The following PIK3C2A variants were observed in gnomAD, a reference collection of about 807,000 sequenced individuals.
PIK3C2A encodes phosphatidylinositol 4-phosphate 3-kinase C2 domain-containing subunit alpha.
Under a neutral mutation model 204.5 loss-of-function variants are expected in PIK3C2A, and 97 were observed. The observed-to-expected ratio is 0.47, with a 90% CI of 0.40 to 0.56. The LOEUF (loss-of-function observed/expected upper bound fraction) is 0.56. Ranked by LOEUF, PIK3C2A falls within the 20% of genes least tolerant of loss-of-function variation. The pLI is 0.00. For synonymous variants in PIK3C2A, 653 were observed against 664.4 expected, an observed-to-expected ratio of 0.98 and a Z score of 0.26; for missense variants, 1,735 against 1,969.2, an observed-to-expected ratio of 0.88 and a Z score of 2.25.
intron 1 of PIK3C2A, among the ~76,000 whole-genome samples, chr11:17,191,970 TA>T (rs1194219889): frequency 0.029 from 3,470 of 117,710 alleles, 45 homozygotes; most frequent in South Asian, 0.042. Context: ...CTGCTTCTAC[TA>T]AAAAAAAAAA....
rs184085229 is a variant in PIK3C2A at position 17,095,301 on chromosome 11, C to T, written c.4327-916G>A. On this transcript the variant is annotated intron_variant, in intron 27 of 32. Coordinates refer to ENST00000691414, the MANE Select transcript of PIK3C2A (RefSeq NM_002645.4). ...AATAAAAATAGTCCAGGCAGCCGGGCGCAGTGGTTCACGCCTGTAATCCCA... is the reference window on the plus strand; with the variant it reads ...AATAAAAATAGTCCAGGCAGCCGGGTGCAGTGGTTCACGCCTGTAATCCCA... Among the ~76,000 whole-genome samples the T allele has an allele frequency of 3.2e-3, 487 of 150,584 alleles. 2 individuals are homozygous for T. The highest frequency in any genetic ancestry group is 4.6e-3 in the Non-Finnish European group (314 of 67,740).
intron 13 of PIK3C2A, among the ~76,000 whole-genome samples, chr11:17,125,566 T>A (rs909255751): frequency 3.9e-5 from 6 of 151,968 alleles, no homozygotes; most frequent in Non-Finnish European, 8.8e-5. Flanking sequence ...CAGGCTGGAG[T>A]GTAGTGGTGC....
At chr11:17,151,744 C>T (rs1438424244) in intron 3 of PIK3C2A, among the ~76,000 whole-genome samples, 1 of 152,030 alleles carries the variant, frequency 6.6e-6, no homozygotes. Context: ...TAGAACAGTG[C>T]CTAGTACACA....
At chr11:17,126,285 A>ATGGTGGTG (rs1227931792) in intron 13 of PIK3C2A, among the ~76,000 whole-genome samples, 1 of 152,088 alleles carries the variant, frequency 6.6e-6, no homozygotes, top group Non-Finnish European at 1.5e-5. Flanking sequence ...ATGGTAGCTC[A>ATGGTGGTG]CGCCTATAAT....
At chr11:17,173,250 T>C (rs1851235186) in intron 1 of PIK3C2A, among the ~76,000 whole-genome samples, 1 of 152,154 alleles carries the variant, frequency 6.6e-6, no homozygotes, top group African/African-American at 2.4e-5. Flanking sequence ...TTATCCCACA[T>C]AGTTAATTAA....
intron 1 of PIK3C2A, among the ~76,000 whole-genome samples, chr11:17,196,588 G>A (rs1256943701): frequency 1.3e-5 from 2 of 151,296 alleles, no homozygotes; most frequent in Admixed American, 1.3e-4. Context: ...ATTTTTTTTT[G>A]AGACGGAGTC....
Position 17,142,774 on chromosome 11 carries a change from G to A in PIK3C2A, c.1704+2894C>T, listed in dbSNP as rs181503835. Among the ~76,000 whole-genome samples, 43 of 152,216 alleles carry A rather than the reference G, an allele frequency of 2.8e-4. No homozygotes were observed. The East Asian group carries it at 7.7e-3, about 27-fold the overall frequency. On this transcript the variant is annotated intron_variant, in intron 8 of 32. Coordinates refer to ENST00000691414, the MANE Select transcript of PIK3C2A (RefSeq NM_002645.4). Reference sequence around the variant, plus strand: ...GATTAGGAACTGACTACTGAATTCAGGATCATGGAAGTCCTTGATGACCTT... The same window carrying A: ...GATTAGGAACTGACTACTGAATTCAAGATCATGGAAGTCCTTGATGACCTT...
At position 17,089,656 on chromosome 11, in the gene PIK3C2A, T is replaced by C; in HGVS notation, c.*82A>G. 1 of 769,426 alleles carries C rather than the reference T, an allele frequency of 1.3e-6. No homozygotes were observed. The highest frequency in any genetic ancestry group is 2.6e-5 in the East Asian group (1 of 38,280). The allele number at this position is 769,426 out of a possible 1,614,324, so 47.7% of individuals were successfully genotyped here. ...ATACTATACAAAATTAACAAGTGTG[T>C]GTGTGTGTGTCTGTGTGTGTGTGCA... On this transcript the variant is annotated 3_prime_UTR_variant, in exon 33 of 33. Transcript: ENST00000691414.
intron 1 of PIK3C2A, among the ~76,000 whole-genome samples, chr11:17,201,448 G>A (rs181529057): frequency 7.7e-4 from 110 of 143,022 alleles, no homozygotes; most frequent in African/African-American, 2.7e-3. Context: ...AATCACTTGA[G>A]CCTGGGAGGC....
chr11:17,153,450 A>G (rs931724046), intron 3 of PIK3C2A, among the ~76,000 whole-genome samples: 1 of 152,076 alleles, frequency 6.6e-6, no homozygotes, highest in Non-Finnish European at 1.5e-5. Context: ...AAAAAAAAAA[A>G]AGAACCTTTT....
chr11:17,188,110 G>A (rs1451045482), intron 1 of PIK3C2A, among the ~76,000 whole-genome samples: 1 of 152,056 alleles, frequency 6.6e-6, no homozygotes, highest in Non-Finnish European at 1.5e-5. Flanking sequence ...GGCCGAGGTG[G>A]GTGGATCACT....
At position 17,136,721 on chromosome 11, in the gene PIK3C2A, A is replaced by G. The variant is rs538808332; in HGVS notation, c.1705-96T>C. The G allele has an allele frequency of 1.8e-5, 11 of 626,134 alleles. No individual in the cohort carries two copies. In the South Asian group the frequency reaches 2.1e-4, roughly 12 times the overall value. 38.8% of individuals were successfully genotyped at this position (626,134 alleles called of 1,614,324 possible). A position where few individuals can be genotyped will look rare whatever the true frequency, so the allele number is the denominator to read the frequency against. On this transcript the variant is annotated intron_variant, in intron 8 of 32. Coordinates refer to ENST00000691414, the MANE Select transcript of PIK3C2A (RefSeq NM_002645.4). The stretch of plus-strand genomic sequence containing the variant: ...GAAACTAGATATCTTAGATATCCCT[A>G]ACAGATATCCTCTACTCTTTTGTGA...
At chr11:17,127,939 C>G (rs1159701472) in intron 13 of PIK3C2A, among the ~76,000 whole-genome samples, 1 of 152,126 alleles carries the variant, frequency 6.6e-6, no homozygotes, top group Non-Finnish European at 1.5e-5. Context: ...AATGTAGACC[C>G]TGTAGCCAAA....
chr11:17,201,218 A>T (rs1369114153), intron 1 of PIK3C2A, among the ~76,000 whole-genome samples: 4 of 150,502 alleles, frequency 2.7e-5, no homozygotes, highest in African/African-American at 9.8e-5. Flanking sequence ...AAATAAAAAT[A>T]AAAAATAAGC....
At position 17,089,468 on chromosome 11, in the gene PIK3C2A, T is replaced by G; in HGVS notation, c.*270A>C. The G allele has an allele frequency of 3.2e-6, 1 of 314,304 alleles. No individual in the cohort carries two copies. The highest frequency in any genetic ancestry group is 5.9e-6 in the Non-Finnish European group (1 of 169,846). 19.5% of individuals were successfully genotyped at this position (314,304 alleles called of 1,614,324 possible). On this transcript the variant is annotated 3_prime_UTR_variant, in exon 33 of 33. Transcript: ENST00000691414. ...CTGTCTCAAAGTCTTTTTCAGGAAT[T>G]AGTATATATTAAGTTTAGGGTTTGT... is the stretch of plus-strand genomic sequence containing the variant.
chr11:17,100,680 C>A (rs1313659731), intron 25 of PIK3C2A, among the ~76,000 whole-genome samples: 1 of 152,170 alleles, frequency 6.6e-6, no homozygotes, highest in Non-Finnish European at 1.5e-5. Context: ...CACCATCCCC[C>A]TTCCTACCCT....
chr11:17,167,300 T>G (rs1850996284), intron 2 of PIK3C2A, among the ~76,000 whole-genome samples: 1 of 152,136 alleles, frequency 6.6e-6, no homozygotes, highest in South Asian at 2.1e-4. Context: ...TTTCTCTTCC[T>G]TCCAGACATC....
chr11:17,122,213 T>C lies in PIK3C2A; in HGVS notation c.2632A>G (p.Ile878Val). 6.3e-7 allele frequency: 1 copy of C among 1,582,220 alleles called. No homozygotes were observed. The highest frequency in any genetic ancestry group is 1.7e-5 in the Admixed American group (1 of 59,800). The change falls in exon 15 of 33, where the codon ATT (isoleucine) becomes GTT (valine). Residue 878 changes from isoleucine to valine, a missense_variant. This residue lies in a region of PIK3C2A where 567 missense variants were observed against 576.0 expected (regional missense o/e 0.98). Transcript: ENST00000691414. ...ENDIKGKLLD[I>V]LHKDSSLGLS... is the part of the protein sequence containing the mutation. ...CCAAGTGATGAGTCTTTATGAAGAA[T>C]ATCAAGAAGTTTCCCTTTTATATCA...
intron 1 of PIK3C2A, among the ~76,000 whole-genome samples, chr11:17,196,429 T>TG (rs1486762620): frequency 6.6e-6 from 1 of 152,132 alleles, no homozygotes; most frequent in Admixed American, 6.5e-5. Flanking sequence ...AATAATGACT[T>TG]GGACTAGGAT....
Sources: allele counts gnomAD v4.1 joint callset (sites outside exome capture counted in the v4.1 genomes callset), GRCh38; gene constraint gnomAD v4.1.1; regional missense constraint gnomAD v4.1.1; transcripts MANE v1.5; gene names NCBI Gene and HGNC (gene_info 2026-07-23, HGNC 2026-07-21).